The following QNG1 variants were observed in gnomAD, a reference collection of about 807,000 sequenced individuals.
QNG1 encodes Q-nucleotide N-glycosylase 1.
the QNG1 span, among the ~76,000 whole-genome samples, chr9:83,945,199 T>C: frequency 2.0e-5 from 3 of 150,696 alleles, no homozygotes; most frequent in Non-Finnish European, 4.4e-5. Flanking sequence ...AGCCCAGGAG[T>C]TCAAGACCAG....
the QNG1 span, among the ~76,000 whole-genome samples, chr9:83,954,581 C>T: frequency 3.4e-5 from 5 of 148,742 alleles, no homozygotes; most frequent in African/African-American, 1.2e-4. Context: ...GACTCCATCT[C>T]AGGGAAAGAA....
At chr9:83,939,465 G>C in the QNG1 span, 1 of 1,250,102 alleles carries the variant, frequency 8.0e-7, no homozygotes, top group South Asian at 1.2e-5. Context: ...CAGATGATAT[G>C]ATATAAAACG....
chr9:83,951,397 C>T, the QNG1 span, among the ~76,000 whole-genome samples: 1 of 152,128 alleles, frequency 6.6e-6, no homozygotes, highest in Non-Finnish European at 1.5e-5. Flanking sequence ...CCCATCTCTA[C>T]TAATATACAA....
the QNG1 span, chr9:83,956,773 G>C: frequency 3.9e-4 from 148 of 376,082 alleles, no homozygotes; most frequent in Non-Finnish European, 6.3e-4. Context: ...GCCCTCTCGG[G>C]CGCGCTCTCA....
the QNG1 span, among the ~76,000 whole-genome samples, chr9:83,949,082 G>C: frequency 6.9e-6 from 1 of 145,052 alleles, no homozygotes; most frequent in African/African-American, 2.6e-5. Context: ...ACCCAAGAAT[G>C]ATCAATAAAT....
At chr9:83,952,611 G>A in the QNG1 span, among the ~76,000 whole-genome samples, 11 of 151,972 alleles carry the variant, frequency 7.2e-5, no homozygotes, top group African/African-American at 1.4e-4. Flanking sequence ...TGGCTAACAC[G>A]GTGAAACCCT....
the QNG1 span, among the ~76,000 whole-genome samples, chr9:83,942,420 G>A: frequency 6.6e-6 from 1 of 152,168 alleles, no homozygotes; most frequent in Non-Finnish European, 1.5e-5. Flanking sequence ...GAAGAGATGG[G>A]TTAAAGACAG....
chr9:83,955,756 A>G, the QNG1 span: 2 of 960,990 alleles, frequency 2.1e-6, no homozygotes, highest in Admixed American at 4.7e-5. Flanking sequence ...GGAATGCACC[A>G]AAAGTGGAAG....
chr9:83,939,811 T>C, the QNG1 span: 3 of 1,054,586 alleles, frequency 2.8e-6, no homozygotes, highest in Admixed American at 3.6e-5. Flanking sequence ...AACTTTCCTG[T>C]AGAACAAAAC....
chr9:83,948,362 G>A, the QNG1 span, among the ~76,000 whole-genome samples: 1 of 150,656 alleles, frequency 6.6e-6, no homozygotes, highest in African/African-American at 2.4e-5. Context: ...CCCGGCAGCC[G>A]CCCCGTCCAG....
At chr9:83,941,889 A>G in the QNG1 span, among the ~76,000 whole-genome samples, 1 of 151,936 alleles carries the variant, frequency 6.6e-6, no homozygotes, top group East Asian at 1.9e-4. Context: ...CTGGGCGACA[A>G]GAACAAAACT....
the QNG1 span, chr9:83,956,277 T>C: frequency 2.5e-6 from 4 of 1,614,060 alleles, no homozygotes; most frequent in East Asian, 2.2e-5. Flanking sequence ...AAAGGAGAAG[T>C]TGAGCGTGTC....
chr9:83,956,358 C>T, the QNG1 span: 10 of 1,610,528 alleles, frequency 6.2e-6, no homozygotes, highest in African/African-American at 6.7e-5. Flanking sequence ...GGCTTTCCAC[C>T]CCTCCACGCG....
chr9:83,950,856 C>T, the QNG1 span, among the ~76,000 whole-genome samples: 1 of 152,084 alleles, frequency 6.6e-6, no homozygotes, highest in Non-Finnish European at 1.5e-5. Context: ...CCACCTTGGC[C>T]TCCCAAGGTT....
At chr9:83,955,638 TC>T in the QNG1 span, 1 of 1,608,906 alleles carries the variant, frequency 6.2e-7, no homozygotes, top group Non-Finnish European at 8.5e-7. Flanking sequence ...GTTATTGGTA[TC>T]CCTTTAGTGA....
chr9:83,955,699 C>G, the QNG1 span: 491 of 1,500,412 alleles, frequency 3.3e-4, 2 homozygotes, highest in South Asian at 2.7e-3. Context: ...GCATTAAACC[C>G]TTGCTTTTAC....
At chr9:83,944,659 G>T in the QNG1 span, 1 of 625,200 alleles carries the variant, frequency 1.6e-6, no homozygotes, top group South Asian at 2.3e-5. Context: ...TTTTGTCTTT[G>T]CATTTTCCTT....
chr9:83,953,834 T>C, the QNG1 span: 2 of 1,544,290 alleles, frequency 1.3e-6, no homozygotes, highest in Non-Finnish European at 1.8e-6. Flanking sequence ...TCATCATTTG[T>C]TCAAGTACAC....
chr9:83,944,854 C>T, the QNG1 span: 1 of 1,613,910 alleles, frequency 6.2e-7, no homozygotes, highest in Non-Finnish European at 8.5e-7. Context: ...TGAGCAAGAA[C>T]CTGAGGTAAT....
Sources: allele counts gnomAD v4.1 joint callset (sites outside exome capture counted in the v4.1 genomes callset), GRCh38; gene constraint gnomAD v4.1.1; transcripts MANE v1.5; gene names NCBI Gene and HGNC (gene_info 2026-07-23, HGNC 2026-07-21).